Variants in ITGBL1 observed in about 807,000 individuals in gnomAD.
ITGBL1 encodes integrin beta-like protein 1.
Under a neutral mutation model 68.5 loss-of-function variants are expected in ITGBL1, and 51 were observed. The ratio of observed to expected loss-of-function variants is 0.74; its 90% CI spans 0.59 to 0.94. ITGBL1 has a LOEUF of 0.94. Ranked by LOEUF, ITGBL1 falls within the 40% of genes least tolerant of loss-of-function variation. ITGBL1 has a pLI of 0.00. For missense variants in ITGBL1, 649 were observed against 647.4 expected, an observed-to-expected ratio of 1.00 and a Z score of -0.03; for synonymous variants, 209 against 227.3, an observed-to-expected ratio of 0.92 and a Z score of 0.72.
intron 2 of ITGBL1, among the ~76,000 whole-genome samples, chr13:101,460,816 T>C (rs1025144885): frequency 1.6e-4 from 24 of 151,442 alleles, no homozygotes; most frequent in Admixed American, 4.6e-4. Flanking sequence ...CACATTCTTT[T>C]AAGCAACCAG....
chr13:101,539,753 G>A (rs1032979660), intron 2 of ITGBL1, among the ~76,000 whole-genome samples: 1 of 151,650 alleles, frequency 6.6e-6, no homozygotes, highest in Non-Finnish European at 1.5e-5. Flanking sequence ...TCTAACTGGT[G>A]TGAGATGGTA....
intron 7 of ITGBL1, among the ~76,000 whole-genome samples, chr13:101,626,920 T>C (rs901374156): frequency 6.6e-6 from 1 of 152,172 alleles, no homozygotes; most frequent in Non-Finnish European, 1.5e-5. Flanking sequence ...AGGGAGACAC[T>C]GGTATATCTT....
At chr13:101,689,957 A>G (rs767916539) in intron 7 of ITGBL1, among the ~76,000 whole-genome samples, 2 of 152,190 alleles carry the variant, frequency 1.3e-5, no homozygotes, top group Non-Finnish European at 2.9e-5. Flanking sequence ...GTCTTATTCT[A>G]TTTTTGGTGC....
chr13:101,591,666 T>C (rs771307200), intron 6 of ITGBL1, among the ~76,000 whole-genome samples: 6 of 152,214 alleles, frequency 3.9e-5, no homozygotes, highest in Non-Finnish European at 8.8e-5. Context: ...TGGTCTAGTC[T>C]TTACTGGAGG....
intron 2 of ITGBL1, among the ~76,000 whole-genome samples, chr13:101,487,038 C>T (rs80155155): frequency 1.3e-5 from 2 of 152,046 alleles, no homozygotes; most frequent in Non-Finnish European, 2.9e-5. Flanking sequence ...TCTTCATAAA[C>T]CTTGGATTTG....
chr13:101,629,918 G>A (rs2031919993), intron 7 of ITGBL1, among the ~76,000 whole-genome samples: 1 of 152,080 alleles, frequency 6.6e-6, no homozygotes, highest in Non-Finnish European at 1.5e-5. Flanking sequence ...TGCATCCAAG[G>A]TTCAAGCAAT....
At position 101,554,580 on chromosome 13, in the gene ITGBL1, G is replaced by A. The variant is rs79057484; in HGVS notation, c.317-13119G>A. Among the ~76,000 whole-genome samples the A allele has an allele frequency of 2.7e-3, 416 of 152,278 alleles. 2 individuals carry two copies. Among genetic ancestry groups the A allele is most frequent in the African/African-American group, 9.1e-3 (377 of 41,550 alleles). ...TCTCATGAGCCATGCTGCGTCTGTGGAACATTTGGTGGCCTATGTCAGGCA... is the reference window on the plus strand; with the variant it reads ...TCTCATGAGCCATGCTGCGTCTGTGAAACATTTGGTGGCCTATGTCAGGCA... On this transcript the variant is annotated intron_variant, in intron 2 of 10. Transcript: ENST00000376180.
chr13:101,520,468 G>C (rs1594861952), intron 2 of ITGBL1, among the ~76,000 whole-genome samples: 1 of 152,074 alleles, frequency 6.6e-6, no homozygotes, highest in Non-Finnish European at 1.5e-5. Context: ...TATTCCTAGG[G>C]AATAAAAATT....
At chr13:101,661,158 G>T (rs562506572) in intron 7 of ITGBL1, among the ~76,000 whole-genome samples, 1 of 151,942 alleles carries the variant, frequency 6.6e-6, no homozygotes, top group Admixed American at 6.5e-5. Context: ...TGGGTAATTG[G>T]ACAATATCCA....
chr13:101,600,071 A>G (rs1011634655), intron 7 of ITGBL1, among the ~76,000 whole-genome samples: 5 of 152,350 alleles, frequency 3.3e-5, no homozygotes, highest in African/African-American at 1.2e-4. Context: ...ATCCATGAGC[A>G]TGGAATGTTC....
At chr13:101,605,741 T>C (rs1790672757) in intron 7 of ITGBL1, among the ~76,000 whole-genome samples, 2 of 151,052 alleles carry the variant, frequency 1.3e-5, no homozygotes, top group African/African-American at 4.9e-5. Context: ...TATGTAGACA[T>C]ATGTATGTGC....
At chr13:101,713,719 G>C (rs1024808438) in intron 9 of ITGBL1, 3 of 151,968 alleles carry the variant, frequency 2.0e-5, no homozygotes, top group African/African-American at 7.2e-5. Context: ...TACTCAGTAA[G>C]TAAAGATATT....
chr13:101,557,115 A>G (rs2050020087), intron 2 of ITGBL1, among the ~76,000 whole-genome samples: 1 of 152,186 alleles, frequency 6.6e-6, no homozygotes, highest in Admixed American at 6.5e-5. Flanking sequence ...CATGAGGAAT[A>G]AGGCTGTGGG....
At chr13:101,480,534 T>C (rs566529649) in intron 2 of ITGBL1, among the ~76,000 whole-genome samples, 1 of 152,122 alleles carries the variant, frequency 6.6e-6, no homozygotes, top group South Asian at 2.1e-4. Context: ...TTGGAATGTT[T>C]GTAACACAAA....
rs891274625 is a variant in ITGBL1 at position 101,602,309 on chromosome 13, T to C, written c.1015+4010T>C. ...AGGAAGGCATGTAGCCTCAGGTGTG[T>C]TCTTGGTATCAGATCAGTACAAATT... is the stretch of plus-strand genomic sequence containing the variant. On this transcript the variant is annotated intron_variant, in intron 7 of 10. Coordinates refer to ENST00000376180, the MANE Select transcript of ITGBL1 (RefSeq NM_004791.3). Among the ~76,000 whole-genome samples the C allele has an allele frequency of 5.9e-5, 9 of 152,006 alleles. No individual in the cohort carries two copies. In the East Asian group the frequency reaches 1.7e-3, roughly 29 times the overall value.
chr13:101,717,934 CAT>C (rs2034788402), downstream of ITGBL1: 1 of 152,064 alleles, frequency 6.6e-6, no homozygotes, highest in African/African-American at 2.4e-5. Context: ...TGCTCTTTTT[CAT>C]AGTCTCATGT....
chr13:101,674,082 A>G (rs1460238495), intron 7 of ITGBL1, among the ~76,000 whole-genome samples: 2 of 152,242 alleles, frequency 1.3e-5, no homozygotes, highest in African/African-American at 4.8e-5. Flanking sequence ...AAGCCAGGAA[A>G]GGCCATGAAG....
At chr13:101,462,185 C>A (rs1352964560) in intron 2 of ITGBL1, among the ~76,000 whole-genome samples, 2 of 152,154 alleles carry the variant, frequency 1.3e-5, no homozygotes, top group East Asian at 3.8e-4. Context: ...TCTCCCAGAG[C>A]CTCTTCCATC....
chr13:101,625,960 A>G, intron 7 of ITGBL1, among the ~76,000 whole-genome samples: 1 of 152,150 alleles, frequency 6.6e-6, no homozygotes, highest in Non-Finnish European at 1.5e-5. Flanking sequence ...AATGCGGTAG[A>G]TTTCTCTTTT....
Sources: allele counts gnomAD v4.1 joint callset (sites outside exome capture counted in the v4.1 genomes callset), GRCh38; gene constraint gnomAD v4.1.1; transcripts MANE v1.5; gene names NCBI Gene and HGNC (gene_info 2026-07-23, HGNC 2026-07-21).